The following SLC6A20 variants were observed in gnomAD, a reference collection of about 807,000 sequenced individuals.
The protein encoded by SLC6A20 is sodium- and chloride-dependent transporter XTRP3.
Under a neutral mutation model 64.3 loss-of-function variants are expected in SLC6A20, and 73 were observed. That is an observed-to-expected ratio of 1.14 (90% CI 0.94 to 1.38). SLC6A20 has a LOEUF of 1.38. SLC6A20 is among the 40% of genes most tolerant of loss of function. The pLI is 0.00. For synonymous variants in SLC6A20, 347 were observed against 329.6 expected, an observed-to-expected ratio of 1.05 and a Z score of -0.57; for missense variants, 725 against 772.8, an observed-to-expected ratio of 0.94 and a Z score of 0.73.
rs1161714016 is a variant in SLC6A20 at position 45,796,406 on chromosome 3, C to T, written c.14G>A (p.Arg5Gln). The change falls in exon 1 of 11, where the codon CGG becomes CAG. Residue 5 changes from arginine (R) to glutamine (Q), a missense_variant. Coordinates refer to ENST00000358525, the MANE Select transcript of SLC6A20 (RefSeq NM_020208.4). ...CTGTAGCGAGTTGGCCCACAGCGGC[C>T]GCGCTTTCTCCATGGCCCCGGCCTC... The part of the protein sequence containing the change: MEKA[R>Q]PLWANSLQFV... The T allele has an allele frequency of 9.3e-6, 15 of 1,611,988 alleles. No homozygotes were observed. Among genetic ancestry groups the T allele is most frequent in the African/African-American group, 1.3e-5 (1 of 74,660 alleles).
At chr3:45,766,005 G>A (rs939014310) in intron 7 of SLC6A20, among the ~76,000 whole-genome samples, 3 of 152,186 alleles carry the variant, frequency 2.0e-5, no homozygotes, top group Non-Finnish European at 4.4e-5. Context: ...CCCAACTTAC[G>A]TACATTCTGG....
In SLC6A20 at chr3:45,758,426, A is replaced by C; in HGVS notation, c.*552T>G. 1 of 1,277,610 alleles carries C rather than the reference A, an allele frequency of 7.8e-7. No individual in the cohort carries two copies. Among genetic ancestry groups the C allele is most frequent in the Admixed American group, 2.4e-5 (1 of 41,124 alleles). The allele number at this position is 1,277,610 out of a possible 1,614,324, so 79.1% of individuals were successfully genotyped here. On this transcript the variant is annotated 3_prime_UTR_variant, in exon 11 of 11. Coordinates refer to ENST00000358525, the MANE Select transcript of SLC6A20 (RefSeq NM_020208.4). Reference sequence around the variant, plus strand: ...ATCCCTTTGGGGGTCCCAGACAAAGATCTTCTTTCTTTATAACTTGTCATC... The same window carrying C: ...ATCCCTTTGGGGGTCCCAGACAAAGCTCTTCTTTCTTTATAACTTGTCATC...
At chr3:45,772,132 G>A (rs578074148) in intron 5 of SLC6A20, 10 of 214,812 alleles carry the variant, frequency 4.7e-5, no homozygotes, top group East Asian at 4.3e-4. Flanking sequence ...AAACGGGTGC[G>A]TGGAACCATG....
chr3:45,762,878 T>C (rs1699707741), intron 9 of SLC6A20, 35 bp downstream of exon 9: 1 of 1,610,632 alleles, frequency 6.2e-7, no homozygotes, highest in African/African-American at 1.3e-5. Context: ...TGGCTGTGTT[T>C]TCCCTATGCA....
chr3:45,768,697 C>A (rs1699813485), intron 7 of SLC6A20, among the ~76,000 whole-genome samples: 1 of 152,198 alleles, frequency 6.6e-6, no homozygotes, highest in Admixed American at 6.5e-5. Flanking sequence ...AAGTGCCAAA[C>A]AAACCAAACC....
intron 1 of SLC6A20, 61 bp downstream of exon 1, chr3:45,796,238 C>T: frequency 6.4e-7 from 1 of 1,554,340 alleles, no homozygotes. Context: ...AACCCCGGCT[C>T]GCACACACGG....
chr3:45,790,186 C>G (rs1700226247), intron 1 of SLC6A20: 1 of 152,106 alleles, frequency 6.6e-6, no homozygotes, highest in South Asian at 2.1e-4. Context: ...TCTCCCTCCA[C>G]TTACATATCT....
Position 45,763,029 on chromosome 3 carries a change from C to T in SLC6A20, c.1347G>A (p.Thr449=), listed in dbSNP as rs750000267. The change falls in exon 9 of 11, where the codon ACG becomes ACA. Residue 449 remains threonine, a synonymous_variant. Coordinates refer to ENST00000358525, the MANE Select transcript of SLC6A20 (RefSeq NM_020208.4). ...CAAACCAGTAGTTCCCAGCCTCCAT[C>T]GTGAACACCATGCCAATGGCACAGT... ...LVNCAIGMVF[T]MEAGNYWFDI... is the part of the protein sequence containing the mutation. 27 of 1,614,042 alleles carry T rather than the reference C, an allele frequency of 1.7e-5. No homozygotes were observed. The highest frequency in any genetic ancestry group is 2.7e-5 in the African/African-American group (2 of 74,932).
intron 1 of SLC6A20, among the ~76,000 whole-genome samples, chr3:45,793,697 C>G (rs910047527): frequency 6.6e-6 from 1 of 152,172 alleles, no homozygotes; most frequent in East Asian, 1.9e-4. Context: ...TTTGGCACAG[C>G]CTGGCTCTGT....
intron 7 of SLC6A20, among the ~76,000 whole-genome samples, chr3:45,767,209 T>C (rs10461016): frequency 0.082 from 12,447 of 152,270 alleles, 630 homozygotes; most frequent in East Asian, 0.18. Flanking sequence ...CTTTTTATGA[T>C]TATCATGAGC....
chr3:45,782,057 G>T (rs1700099933), intron 2 of SLC6A20, 26 bp downstream of exon 2: 2 of 1,572,986 alleles, frequency 1.3e-6, no homozygotes, highest in African/African-American at 1.4e-5. Flanking sequence ...CTCTGGGTGG[G>T]AGAGGACTGG....
intron 6 of SLC6A20, among the ~76,000 whole-genome samples, chr3:45,771,016 G>T (rs1382869012): frequency 6.6e-6 from 1 of 152,176 alleles, no homozygotes; most frequent in Non-Finnish European, 1.5e-5. Context: ...CTCACAACAC[G>T]CTAACGTGCC....
At chr3:45,791,701 GA>G in intron 1 of SLC6A20, 1 of 159,120 alleles carries the variant, frequency 6.3e-6, no homozygotes, top group Non-Finnish European at 1.4e-5. Context: ...GGAAGAAGGT[GA>G]AGGGGAAGTA....
intron 2 of SLC6A20, 144 bp downstream of exon 2, chr3:45,781,939 G>T: frequency 8.6e-7 from 1 of 1,165,184 alleles, no homozygotes; most frequent in Non-Finnish European, 1.1e-6. Flanking sequence ...ATCCCCACCA[G>T]GCCATTTGTT....
chr3:45,777,336 C>T (rs1026346514), intron 3 of SLC6A20, among the ~76,000 whole-genome samples: 2 of 151,304 alleles, frequency 1.3e-5, no homozygotes, highest in Non-Finnish European at 3.0e-5. Context: ...CCTCCCCAGG[C>T]CACCCTAGCC....
chr3:45,790,267 C>CT (rs890659237), intron 1 of SLC6A20: 10 of 149,382 alleles, frequency 6.7e-5, no homozygotes, highest in East Asian at 2.0e-4. Context: ...TTTTGTAAAC[C>CT]TTTTTTTTTT....
At position 45,780,128 on chromosome 3, in the gene SLC6A20, G is replaced by A. The variant is rs1460480490; in HGVS notation, c.263-28C>T. On this transcript the variant is annotated intron_variant, in intron 2 of 10. Transcript: ENST00000358525. ...GCGAGGAAGCAGAGGGCCGCGCTGA[G>A]GACTGAGGATGGCCCTTCCCCCTCC... 3 of 1,560,804 alleles carry A rather than the reference G, an allele frequency of 1.9e-6. No homozygotes were observed. The Admixed American group carries it at 5.7e-5, about 30-fold the overall frequency.
At chr3:45,771,528 A>T in intron 5 of SLC6A20, 70 bp from the exon 6 acceptor site, 1 of 1,594,016 alleles carries the variant, frequency 6.3e-7, no homozygotes, top group Non-Finnish European at 8.6e-7. Context: ...CCGCAACAGG[A>T]GAGTAGCCCA....
intron 3 of SLC6A20, among the ~76,000 whole-genome samples, chr3:45,776,644 A>G (rs775870391): frequency 2.6e-5 from 4 of 152,148 alleles, no homozygotes; most frequent in Non-Finnish European, 5.9e-5. Flanking sequence ...CTAGCTTCCA[A>G]ACCCAATGTA....
Sources: allele counts gnomAD v4.1 joint callset (sites outside exome capture counted in the v4.1 genomes callset), GRCh38; gene constraint gnomAD v4.1.1; transcripts MANE v1.5; gene names NCBI Gene and HGNC (gene_info 2026-07-23, HGNC 2026-07-21).